The following NUB1 variants were observed in gnomAD, a reference collection of about 807,000 sequenced individuals.
NUB1 encodes the protein NEDD8 ultimate buster 1.
A neutral mutation model predicts 77.1 loss-of-function variants in NUB1; 41 were observed. That is an observed-to-expected ratio of 0.53 (90% CI 0.41 to 0.69). NUB1 has a LOEUF of 0.69. Among genes scored for constraint, NUB1 ranks in the 30% least tolerant of loss-of-function variants. NUB1 has a pLI of 0.00. For missense variants in NUB1, 643 were observed against 743.8 expected (o/e 0.86, Z 1.58); for synonymous variants, 257 against 281.0 (o/e 0.91, Z 0.85).
chr7:151,347,372 C>T (rs1187308133), intron 2 of NUB1, among the ~76,000 whole-genome samples: 1 of 151,680 alleles, frequency 6.6e-6, no homozygotes, highest in African/African-American at 2.4e-5. Context: ...TGTGAATAGC[C>T]ACTGCACTCC....
intron 11 of NUB1, among the ~76,000 whole-genome samples, chr7:151,371,758 G>A (rs56174188): frequency 2.0e-5 from 3 of 152,322 alleles, no homozygotes; most frequent in African/African-American, 4.8e-5. Context: ...TCATGTTTTT[G>A]TTTGAGACAG....
intron 12 of NUB1, chr7:151,374,526 C>G (rs1304818486): frequency 2.0e-6 from 1 of 505,608 alleles, no homozygotes; most frequent in Non-Finnish European, 3.6e-6. Context: ...TTTCTGTGTG[C>G]AGCAGAGTTT....
chr7:151,354,039 C>T (rs1234523685), intron 5 of NUB1, among the ~76,000 whole-genome samples: 1 of 152,152 alleles, frequency 6.6e-6, no homozygotes, highest in East Asian at 1.9e-4. Context: ...TTTCCCTAAC[C>T]CCAGGGCCAC....
At chr7:151,375,475 C>A (rs114000471) in intron 12 of NUB1, among the ~76,000 whole-genome samples, 152 of 152,306 alleles carry the variant, frequency 1.0e-3, no homozygotes, top group African/African-American at 3.5e-3. Context: ...TACTACCTGC[C>A]TGACATTTTA....
At chr7:151,347,978 C>T (rs191299001) in intron 2 of NUB1, among the ~76,000 whole-genome samples, 2 of 152,188 alleles carry the variant, frequency 1.3e-5, no homozygotes, top group Admixed American at 6.5e-5. Context: ...AGGAGTATCC[C>T]GTAACTGAAA....
At chr7:151,352,787 A>C (rs1796878806) in intron 4 of NUB1, 25 bp from the exon 5 acceptor site, 1 of 1,414,428 alleles carries the variant, frequency 7.1e-7, no homozygotes, top group Non-Finnish European at 9.9e-7. Flanking sequence ...GTTTTCCTAC[A>C]ATTTTCACTG....
intron 11 of NUB1, among the ~76,000 whole-genome samples, chr7:151,370,059 A>C (rs1455987922): frequency 6.6e-6 from 1 of 151,546 alleles, no homozygotes; most frequent in Non-Finnish European, 1.5e-5. Context: ...ATAGAAGTCA[A>C]TGAGTAGGTA....
chr7:151,367,923 C>A lies in NUB1; in HGVS notation c.1050C>A (p.Asn350Lys). 2 of 1,599,024 alleles carry A rather than the reference C, an allele frequency of 1.3e-6. No homozygotes were observed. Among genetic ancestry groups the A allele is most frequent in the Non-Finnish European group, 1.7e-6 (2 of 1,171,858 alleles). ...TCTACTTACTTCAAGGGATCCGAAA[C>A]TATCACAGTGGAAATGATGTAGAGG... ...LRLYLLQGIR[N>K]YHSGNDVEAY... Residue 350 changes from asparagine to lysine, a missense_variant, in exon 10 of 15, where the codon AAC becomes AAA. Transcript: ENST00000568733.
At chr7:151,376,348 C>T (rs1363821929) in intron 13 of NUB1, 4 of 491,144 alleles carry the variant, frequency 8.1e-6, no homozygotes, top group Non-Finnish European at 1.5e-5. Flanking sequence ...TGGCCACTGA[C>T]CTCGCGGTGC....
rs1421621491 is a variant in NUB1, at chr7:151,377,118, G to C, written c.1741G>C (p.Glu581Gln). Residue 581 changes from glutamate (E) to glutamine (Q), a missense_variant, in exon 15 of 15, where the codon GAG (glutamate) becomes CAG (glutamine). By Grantham distance (29) the Glu-to-Gln change is conservative (BLOSUM62 2). Coordinates refer to ENST00000568733, the MANE Select transcript of NUB1 (RefSeq NM_001243351.2). Reference sequence around the variant, plus strand: ...CAATGAGATACTGGAAGACATTCCAGAGCATGAGGAAGACTATCTTGACTC... The same window carrying C: ...CAATGAGATACTGGAAGACATTCCACAGCATGAGGAAGACTATCTTGACTC... ...AVNEILEDIP[E>Q]HEEDYLDSTL... 40 of 1,586,740 alleles carry C rather than the reference G, an allele frequency of 2.5e-5. No individual in the cohort carries two copies. The highest frequency in any genetic ancestry group is 3.4e-5 in the Non-Finnish European group (40 of 1,165,634).
intron 8 of NUB1, among the ~76,000 whole-genome samples, chr7:151,365,789 T>G (rs962327743): frequency 6.6e-6 from 1 of 152,224 alleles, no homozygotes; most frequent in African/African-American, 2.4e-5. Context: ...ATAAAAATAC[T>G]GCTGTGATAC....
At chr7:151,368,710 G>A in intron 10 of NUB1, 25 bp from the exon 11 acceptor site, 1 of 1,581,848 alleles carries the variant, frequency 6.3e-7, no homozygotes, top group Non-Finnish European at 8.6e-7. Context: ...GTGGTTACAT[G>A]ATTCTTACAT....
At chr7:151,361,071 G>A (rs1018366563) in intron 8 of NUB1, 6 of 151,484 alleles carry the variant, frequency 4.0e-5, no homozygotes, top group South Asian at 2.1e-4. Flanking sequence ...GTGAGCCACC[G>A]CACCCAGCCT....
chr7:151,355,807 A>G lies in NUB1; in HGVS notation c.455A>G (p.Lys152Arg). 1 of 1,607,572 alleles carries G rather than the reference A, an allele frequency of 6.2e-7. No individual in the cohort carries two copies. Among genetic ancestry groups the G allele is most frequent in the Non-Finnish European group, 8.5e-7 (1 of 1,176,764 alleles). Residue 152 changes from lysine to arginine, a missense_variant, in exon 6 of 15, where the codon AAA (lysine) becomes AGA (arginine). Coordinates refer to ENST00000568733, the MANE Select transcript of NUB1 (RefSeq NM_001243351.2). ...GAACAAGGCGTGGCTCACAATGTGA[A>G]AGCGATGGTGCTTGAACTAAAACAA... ...LEEQGVAHNV[K>R]AMVLELKQSE...
In NUB1 at chr7:151,352,897, G is replaced by A. The variant is rs73472502; in HGVS notation, c.415+15G>A. The stretch of plus-strand genomic sequence containing the variant: ...ACTACAACTAGGTATGTATGGCAAA[G>A]TATGCATAATTTTTTAATGAACCAA... On this transcript the variant is annotated intron_variant, in intron 5 of 14. Coordinates refer to ENST00000568733, the MANE Select transcript of NUB1 (RefSeq NM_001243351.2). 0.043 allele frequency: 59,156 copies of A among 1,364,252 alleles called. 1,546 individuals carry two copies. Among genetic ancestry groups the A allele is most frequent in the Admixed American group, 0.09 (4,180 of 46,394 alleles). The allele number at this position is 1,364,252 out of a possible 1,614,324, so 84.5% of individuals were successfully genotyped here.
chr7:151,362,450 A>C (rs1209988968), intron 8 of NUB1, among the ~76,000 whole-genome samples: 1 of 152,194 alleles, frequency 6.6e-6, no homozygotes, highest in Non-Finnish European at 1.5e-5. Flanking sequence ...GTAAGCTAGA[A>C]GTTTTGTCAC....
intron 8 of NUB1, among the ~76,000 whole-genome samples, chr7:151,364,381 A>C (rs2150694839): frequency 6.7e-6 from 1 of 149,860 alleles, no homozygotes; most frequent in African/African-American, 2.4e-5. Context: ...AGATTGCACC[A>C]CTGCACTCCA....
At chr7:151,356,441 G>C (rs1258266334) in intron 7 of NUB1, among the ~76,000 whole-genome samples, 1 of 152,212 alleles carries the variant, frequency 6.6e-6, no homozygotes, top group African/African-American at 2.4e-5. Flanking sequence ...ATGTCTCACT[G>C]TCCTGGAGCA....
chr7:151,367,065 G>C lies in NUB1; in HGVS notation c.927G>C (p.Leu309Phe), dbSNP rs1676923729. Residue 309 changes from leucine to phenylalanine, a missense_variant, in exon 9 of 15, where the codon TTG becomes TTC. Transcript: ENST00000568733. The stretch of plus-strand genomic sequence containing the variant: ...ATGATGCAGAAAAAAAATTAAACTT[G>C]GCCCAGAAATGCTTTAAAAATTGTT... ...CLDDAEKKLN[L>F]AQKCFKNCYG... The C allele has an allele frequency of 6.2e-7, 1 of 1,613,648 alleles. No individual in the cohort carries two copies. The highest frequency in any genetic ancestry group is 1.1e-5 in the South Asian group (1 of 91,060).
Sources: gnomAD v4.1 joint callset for allele counts (sites outside exome capture counted in the v4.1 genomes callset) on GRCh38, gnomAD v4.1.1 for gene constraint, MANE v1.5 for transcripts, NCBI Gene and HGNC (gene_info 2026-07-23, HGNC 2026-07-21) for gene names.